Variants in B3GALT1 observed in about 807,000 individuals in gnomAD.
The protein encoded by B3GALT1 is beta-1,3-galactosyltransferase 1, also known as UDP-Gal:betaGlcNAc beta 1,3-galactosyltransferase, polypeptide 1.
A neutral mutation model predicts 23.2 loss-of-function variants in B3GALT1; 10 were observed. That is an observed-to-expected ratio of 0.43 (90% CI 0.27 to 0.73). The LOEUF (loss-of-function observed/expected upper bound fraction) is 0.73. Ranked by LOEUF, B3GALT1 falls within the 30% of genes least tolerant of loss-of-function variation. B3GALT1 has a pLI of 0.21. For synonymous variants in B3GALT1, 156 were observed against 141.5 expected, an observed-to-expected ratio of 1.10 and a Z score of -0.73; for missense variants, 299 against 405.4, an observed-to-expected ratio of 0.74 and a Z score of 2.25.
At chr2:167,682,270 T>C (rs1014528323) in intron 3 of B3GALT1, among the ~76,000 whole-genome samples, 17 of 152,272 alleles carry the variant, frequency 1.1e-4, no homozygotes, top group African/African-American at 3.8e-4. Context: ...AAAGAGAAAA[T>C]AAATAAGATA....
At chr2:167,698,556 C>G (rs1007423767) in intron 3 of B3GALT1, among the ~76,000 whole-genome samples, 1 of 152,162 alleles carries the variant, frequency 6.6e-6, no homozygotes, top group East Asian at 1.9e-4. Flanking sequence ...ACCCAACTAC[C>G]AGTCCCCTGT....
At chr2:167,734,221 T>C (rs1305009677) in intron 3 of B3GALT1, among the ~76,000 whole-genome samples, 1 of 152,146 alleles carries the variant, frequency 6.6e-6, no homozygotes, top group Non-Finnish European at 1.5e-5. Flanking sequence ...AAACTCCCTA[T>C]GATACTTTCA....
At chr2:167,819,013 T>C (rs1689054093) in intron 4 of B3GALT1, among the ~76,000 whole-genome samples, 1 of 152,358 alleles carries the variant, frequency 6.6e-6, no homozygotes, top group Non-Finnish European at 1.5e-5. Flanking sequence ...TTTTTAATTG[T>C]ATTTTAAGTT....
At chr2:167,346,735 TGTGTGTGTGTGGGGGGGGGGTGGTGC>T (rs1356753834) in intron 1 of B3GALT1, among the ~76,000 whole-genome samples, 36 of 31,656 alleles carry the variant, frequency 1.1e-3, no homozygotes, top group African/African-American at 2.4e-3. Flanking sequence ...CTGAGTTGTT[TGTGTGTGTGTGGGGGGGGGGTGGTGC>T]GTGTGTGTGT....
intron 3 of B3GALT1, chr2:167,815,139 T>G (rs1688970352): frequency 6.6e-6 from 1 of 152,252 alleles, no homozygotes; most frequent in Non-Finnish European, 1.5e-5. Context: ...GCCTTCTTCT[T>G]TCTCCTCTCA....
chr2:167,832,207 A>G (rs1459966531), intron 4 of B3GALT1, among the ~76,000 whole-genome samples: 3 of 152,360 alleles, frequency 2.0e-5, no homozygotes, highest in African/African-American at 7.2e-5. Flanking sequence ...TGACAATTTC[A>G]TGTGCTTCCA....
chr2:167,633,014 T>C (rs1685477329), intron 2 of B3GALT1, among the ~76,000 whole-genome samples: 1 of 152,064 alleles, frequency 6.6e-6, no homozygotes, highest in African/African-American at 2.4e-5. Context: ...TTTCTGCATA[T>C]GGCTAGCCAG....
chr2:167,314,199 T>TA (rs1020550205), intron 1 of B3GALT1, among the ~76,000 whole-genome samples: 156 of 148,382 alleles, frequency 1.1e-3, no homozygotes, highest in African/African-American at 3.4e-3. Context: ...AAGAATAAAA[T>TA]AAAAAAAAAA....
intron 1 of B3GALT1, among the ~76,000 whole-genome samples, chr2:167,447,704 A>T (rs990739479): frequency 1.3e-5 from 2 of 152,070 alleles, no homozygotes; most frequent in African/African-American, 2.4e-5. Flanking sequence ...TGCTAAGACC[A>T]TTGGAAAAGC....
Position 167,596,671 on chromosome 2 carries a change from T to A in B3GALT1, c.-409-50238T>A, listed in dbSNP as rs889409341. Among the ~76,000 whole-genome samples, 5 of 152,006 alleles carry A rather than the reference T, an allele frequency of 3.3e-5. No individual in the cohort carries two copies. In the East Asian group the frequency reaches 9.7e-4, roughly 29 times the overall value. ...CCCCAGTAATATAAAAATAGAGGAT[T>A]TTTTTTTGTAGAAAAGCCTAATACC... On this transcript the variant is annotated intron_variant, in intron 2 of 4. Coordinates refer to ENST00000392690, the MANE Select transcript of B3GALT1 (RefSeq NM_020981.4).
At chr2:167,590,984 G>A (rs1020407576) in intron 2 of B3GALT1, among the ~76,000 whole-genome samples, 1 of 152,060 alleles carries the variant, frequency 6.6e-6, no homozygotes, top group African/African-American at 2.4e-5. Flanking sequence ...AACACATTGA[G>A]CTCCTTATGT....
intron 4 of B3GALT1, among the ~76,000 whole-genome samples, chr2:167,855,120 A>C (rs1329734909): frequency 6.6e-6 from 1 of 152,118 alleles, no homozygotes; most frequent in East Asian, 1.9e-4. Flanking sequence ...GCACACCTAC[A>C]CTGTGAAACT....
At chr2:167,836,209 G>T (rs1274800219) in intron 4 of B3GALT1, among the ~76,000 whole-genome samples, 1 of 152,200 alleles carries the variant, frequency 6.6e-6, no homozygotes, top group African/African-American at 2.4e-5. Context: ...AGAGAAGAAG[G>T]CTTCAGACGA....
chr2:167,649,588 A>G (rs1444227090), intron 3 of B3GALT1, among the ~76,000 whole-genome samples: 3 of 152,052 alleles, frequency 2.0e-5, no homozygotes, highest in Non-Finnish European at 4.4e-5. Context: ...ACTTAACATC[A>G]TGTTTTCAAG....
chr2:167,668,209 C>A (rs75729635), intron 3 of B3GALT1, among the ~76,000 whole-genome samples: 1 of 151,604 alleles, frequency 6.6e-6, no homozygotes, highest in Non-Finnish European at 1.5e-5. Context: ...AATACCCGAC[C>A]GCGTGAGGTG....
intron 1 of B3GALT1, among the ~76,000 whole-genome samples, chr2:167,429,625 G>A (rs180930306): frequency 6.6e-6 from 1 of 152,216 alleles, no homozygotes; most frequent in East Asian, 1.9e-4. Context: ...TCTGATAAAA[G>A]CAAGCACAGT....
At position 167,795,434 on chromosome 2, in the gene B3GALT1, A is replaced by G. The variant is rs368009982; in HGVS notation, c.-351-23238A>G. On this transcript the variant is annotated intron_variant, in intron 3 of 4. Coordinates refer to ENST00000392690, the MANE Select transcript of B3GALT1 (RefSeq NM_020981.4). ...CCTTTCTGCCCTGGTTAAAGTCATCATTGCTTTTTTGGCAGAATTGCCCTT... is the reference window on the plus strand; with the variant it reads ...CCTTTCTGCCCTGGTTAAAGTCATCGTTGCTTTTTTGGCAGAATTGCCCTT... 2.6e-5 allele frequency among the ~76,000 whole-genome samples: 4 copies of G among 152,292 alleles called. No homozygotes were observed. The East Asian group carries it at 7.7e-4, about 29-fold the overall frequency.
chr2:167,315,545 C>G (rs548613133), intron 1 of B3GALT1, among the ~76,000 whole-genome samples: 1 of 152,234 alleles, frequency 6.6e-6, no homozygotes, highest in Admixed American at 6.5e-5. Context: ...ACAGTTCTGT[C>G]TGGAAAATGG....
At chr2:167,434,666 T>C (rs1698752060) in intron 1 of B3GALT1, among the ~76,000 whole-genome samples, 1 of 151,976 alleles carries the variant, frequency 6.6e-6, no homozygotes, top group Admixed American at 6.6e-5. Flanking sequence ...ATTCACAAAG[T>C]GTTTAGTTGA....
Sources: allele counts gnomAD v4.1 joint callset (sites outside exome capture counted in the v4.1 genomes callset), GRCh38; gene constraint gnomAD v4.1.1; transcripts MANE v1.5; gene names NCBI Gene and HGNC (gene_info 2026-07-23, HGNC 2026-07-21).